Variants in KANTR observed in about 807,000 individuals in gnomAD.
The protein encoded by KANTR is KDM5C adjacent transcript.
At chrX:53,141,289 G>C (rs1211697383) in intron 2 of KANTR, among the ~76,000 whole-genome samples, 2 of 112,324 alleles carry the variant, frequency 1.8e-5, no homozygotes, top group Non-Finnish European at 3.8e-5. Flanking sequence ...GAGAGGGGCT[G>C]TGTGGGGGCT....
chrX:53,118,073 A>G (rs1556814929), intron 2 of KANTR, among the ~76,000 whole-genome samples: 1 of 112,249 alleles, frequency 8.9e-6, no homozygotes, highest in Non-Finnish European at 1.9e-5. Flanking sequence ...CATTTGGGTC[A>G]TTTCCAGCTT....
chrX:53,144,033 G>T (rs1303223273), downstream of KANTR: 2 of 195,369 alleles, frequency 1.0e-5, no homozygotes, highest in African/African-American at 3.0e-5. Flanking sequence ...ACTGATTTTT[G>T]ATGGAAATTT....
intron 1 of KANTR, among the ~76,000 whole-genome samples, chrX:53,098,444 T>C (rs1027411630): frequency 7.2e-5 from 8 of 111,532 alleles, no homozygotes; most frequent in Non-Finnish European, 1.3e-4. Flanking sequence ...ATTCTTAAAA[T>C]AAGATATCAA....
downstream of KANTR, among the ~76,000 whole-genome samples, chrX:53,129,596 C>G (rs1933336368): frequency 9.1e-6 from 1 of 109,720 alleles, no homozygotes; most frequent in African/African-American, 3.3e-5. Context: ...CATTAGGACA[C>G]TCGTCTGGTT....
chrX:53,109,345 C>T (rs111368929), intron 2 of KANTR, among the ~76,000 whole-genome samples: 2,668 of 112,120 alleles, frequency 0.024, 93 homozygotes, highest in African/African-American at 0.082. Flanking sequence ...TATGCAGTGG[C>T]GCGATCTCAT....
chrX:53,124,581 C>CT (rs1740364231), exon 3 of KANTR: 2 of 295,060 alleles, frequency 6.8e-6, no homozygotes, highest in Non-Finnish European at 1.2e-5. Context: ...TAATTTCCCT[C>CT]TAACTCCTGC....
intron 2 of KANTR, among the ~76,000 whole-genome samples, chrX:53,136,006 A>G (rs1933415331): frequency 9.0e-6 from 1 of 111,646 alleles, no homozygotes; most frequent in Non-Finnish European, 1.9e-5. Context: ...AGCAAAATTT[A>G]TGTCTGAGAG....
intron 2 of KANTR, among the ~76,000 whole-genome samples, chrX:53,136,059 C>T (rs1012918690): frequency 3.6e-5 from 4 of 111,715 alleles, no homozygotes; most frequent in Admixed American, 1.9e-4. Flanking sequence ...ACCACATTAG[C>T]GAACATATGT....
At chrX:53,130,190 A>G (rs1556816803), downstream of KANTR, among the ~76,000 whole-genome samples, 1 of 112,292 alleles carries the variant, frequency 8.9e-6, no homozygotes, top group Middle Eastern at 4.2e-3. Flanking sequence ...GTTTCCAAAC[A>G]TATATATTTC....
intron 1 of KANTR, among the ~76,000 whole-genome samples, chrX:53,096,213 T>TGTTGCTTAGTA (rs1440916175): frequency 8.9e-6 from 1 of 111,918 alleles, no homozygotes; most frequent in Non-Finnish European, 1.9e-5. Flanking sequence ...TTGCTGTTTA[T>TGTTGCTTAGTA]TGTCTGACTC....
intron 2 of KANTR, 119 bp from the exon 3 acceptor site, chrX:53,123,350 T>C (rs1169768476): frequency 1.8e-5 from 2 of 112,114 alleles, no homozygotes. Flanking sequence ...AGCTTTTCTT[T>C]TTGTTTCACT....
chrX:53,115,939 T>C (rs1363367275), intron 2 of KANTR, among the ~76,000 whole-genome samples: 1 of 112,184 alleles, frequency 8.9e-6, no homozygotes, highest in Non-Finnish European at 1.9e-5. Context: ...AAAGTCCTGC[T>C]CTGCCATCTT....
chrX:53,135,379 C>T (rs782420337), intron 2 of KANTR, among the ~76,000 whole-genome samples: 1 of 111,797 alleles, frequency 8.9e-6, no homozygotes, highest in Non-Finnish European at 1.9e-5. Context: ...ACTCTCCCTC[C>T]TTTTGTCCCC....
exon 3 of KANTR, chrX:53,125,757 G>A (rs1218144102): frequency 9.0e-6 from 1 of 110,559 alleles, no homozygotes; most frequent in Non-Finnish European, 1.9e-5. Flanking sequence ...TTACATCATT[G>A]TCAGTGTTAT....
chrX:53,130,816 G>C (rs1933352882), downstream of KANTR, among the ~76,000 whole-genome samples: 1 of 111,459 alleles, frequency 9.0e-6, no homozygotes, highest in African/African-American at 3.3e-5. Context: ...AAAAAACACA[G>C]GGTCAGGAAT....
intron 2 of KANTR, among the ~76,000 whole-genome samples, chrX:53,116,293 A>G (rs1933122557): frequency 8.9e-6 from 1 of 112,084 alleles, no homozygotes; most frequent in Non-Finnish European, 1.9e-5. Flanking sequence ...ATTGCCTTCA[A>G]AGTCCAGCCA....
intron 2 of KANTR, among the ~76,000 whole-genome samples, chrX:53,100,488 AAAAAG>A: frequency 9.4e-6 from 1 of 106,503 alleles, no homozygotes; most frequent in East Asian, 2.9e-4. Context: ...CTCAAAAAAA[AAAAAG>A]AAAAGAAAAA....
At chrX:53,117,607 GTGTTTTT>G (rs1933147697) in intron 2 of KANTR, among the ~76,000 whole-genome samples, 1 of 34,526 alleles carries the variant, frequency 2.9e-5, no homozygotes, top group Non-Finnish European at 6.3e-5. Context: ...GTGTGTGTGT[GTGTTTTT>G]TTTTTTTTTT....
At chrX:53,144,187 G>T (rs1933542398), downstream of KANTR, among the ~76,000 whole-genome samples, 1 of 111,617 alleles carries the variant, frequency 9.0e-6, no homozygotes, top group African/African-American at 3.3e-5. Flanking sequence ...TTGAGGCCAG[G>T]AGTTCGAGAC....
Sources: gnomAD v4.1 joint callset for allele counts (sites outside exome capture counted in the v4.1 genomes callset) on GRCh38, gnomAD v4.1.1 for gene constraint, MANE v1.5 for transcripts, NCBI Gene and HGNC (gene_info 2026-07-23, HGNC 2026-07-21) for gene names.